OPRM1: variants seen among roughly 807,000 people sequenced by gnomAD.
OPRM1 encodes mu-type opioid receptor.
Under a neutral mutation model 31.8 loss-of-function variants are expected in OPRM1, and 27 were observed. The observed-to-expected ratio is 0.85, with a 90% confidence interval of 0.63 to 1.17. The LOEUF (loss-of-function observed/expected upper bound fraction) is 1.17. Ranked by LOEUF, OPRM1 falls within the 50% of genes most tolerant of loss-of-function variation. The pLI is 0.00. For missense variants in OPRM1, 536 were observed against 511.1 expected (o/e 1.05, Z -0.47); for synonymous variants, 196 against 189.9 (o/e 1.03, Z -0.26).
rs996911351 is a variant in OPRM1 at position 154,125,335 on chromosome 6, A to G, written c.*6614A>G. Among the ~76,000 whole-genome samples the G allele has an allele frequency of 6.6e-6, 1 of 152,234 alleles. No homozygotes were observed. The highest frequency in any genetic ancestry group is 1.5e-5 in the Non-Finnish European group (1 of 68,036). On this transcript the variant is annotated 3_prime_UTR_variant, in exon 4 of 4. Transcript: ENST00000330432. ...TCCAAAGCTATTTCATGAATCAAAT[A>G]TCGTTTTCTACCTGCCCCACAACTG...
chr6:154,239,433 G>T (rs1780399149), intron 3 of OPRM1, among the ~76,000 whole-genome samples: 1 of 152,100 alleles, frequency 6.6e-6, no homozygotes, highest in African/African-American at 2.4e-5. Flanking sequence ...AAATTAGAAT[G>T]TCAGAAGTAA....
intron 3 of OPRM1, among the ~76,000 whole-genome samples, chr6:154,117,273 T>C (rs1165116985): frequency 6.6e-6 from 1 of 152,226 alleles, no homozygotes; most frequent in African/African-American, 2.4e-5. Context: ...CCCTGCACTT[T>C]GTGCCACTTT....
intron 3 of OPRM1, among the ~76,000 whole-genome samples, chr6:154,099,274 G>C (rs1258633135): frequency 2.3e-5 from 3 of 130,738 alleles, no homozygotes; most frequent in East Asian, 4.7e-4. Context: ...AACTGAATGA[G>C]AGTCTGTCGA....
chr6:154,188,176 A>G (rs952739652), intron 3 of OPRM1, among the ~76,000 whole-genome samples: 1 of 152,256 alleles, frequency 6.6e-6, no homozygotes. Flanking sequence ...TTAAAAATGC[A>G]TTTTAAAAAC....
intron 3 of OPRM1, among the ~76,000 whole-genome samples, chr6:154,105,357 A>G (rs1034691313): frequency 1.3e-5 from 2 of 152,212 alleles, no homozygotes; most frequent in East Asian, 3.8e-4. Context: ...AAAGTTTAAA[A>G]GATTAGTTTT....
chr6:154,031,291 A>C (rs1341645201), intron 1 of OPRM1, among the ~76,000 whole-genome samples: 1 of 152,180 alleles, frequency 6.6e-6, no homozygotes, highest in African/African-American at 2.4e-5. Flanking sequence ...GTTCTGAGCT[A>C]CTCTGTTGCA....
intron 1 of OPRM1, among the ~76,000 whole-genome samples, chr6:154,078,104 T>C (rs1788280457): frequency 6.6e-6 from 1 of 152,172 alleles, no homozygotes; most frequent in African/African-American, 2.4e-5. Context: ...CATTCCTTAG[T>C]TCCTCTACCT....
chr6:154,130,552 C>A lies in OPRM1; in HGVS notation c.*11831C>A, dbSNP rs570214554. Reference sequence around the variant, plus strand: ...TTTAATACTCCTACCATAAAAATTTCTGTGTTAGGCATAGCTATATGAATA... The same window carrying A: ...TTTAATACTCCTACCATAAAAATTTATGTGTTAGGCATAGCTATATGAATA... On this transcript the variant is annotated 3_prime_UTR_variant, in exon 4 of 4. Coordinates refer to ENST00000330432, the MANE Select transcript of OPRM1 (RefSeq NM_000914.5). Among the ~76,000 whole-genome samples, 4 of 152,110 alleles carry A rather than the reference C, an allele frequency of 2.6e-5. No homozygotes were observed. The highest frequency in any genetic ancestry group is 2.1e-4 in the South Asian group (1 of 4,808).
rs1208599960 is a variant in OPRM1 at position 154,129,810 on chromosome 6, T to C, written c.*11089T>C. Among the ~76,000 whole-genome samples the C allele has an allele frequency of 6.6e-6, 1 of 151,404 alleles. No individual in the cohort carries two copies. Among genetic ancestry groups the C allele is most frequent in the Non-Finnish European group, 1.5e-5 (1 of 67,902 alleles). On this transcript the variant is annotated 3_prime_UTR_variant, in exon 4 of 4. Coordinates refer to ENST00000330432, the MANE Select transcript of OPRM1 (RefSeq NM_000914.5). Reference sequence around the variant, plus strand: ...AGTTTCTCTTATCAGTCAGGCACTTTGCATTTTAAGCGTACTTTACCACCG... The same window carrying C: ...AGTTTCTCTTATCAGTCAGGCACTTCGCATTTTAAGCGTACTTTACCACCG...
intron 1 of OPRM1, among the ~76,000 whole-genome samples, chr6:154,013,887 C>T (rs989879914): frequency 1.3e-5 from 2 of 152,140 alleles, no homozygotes; most frequent in Admixed American, 6.5e-5. Context: ...AACTAGCACA[C>T]TGTCACTTCC....
At chr6:154,083,075 G>A (rs554534121) in intron 1 of OPRM1, among the ~76,000 whole-genome samples, 1 of 152,260 alleles carries the variant, frequency 6.6e-6, no homozygotes, top group African/African-American at 2.4e-5. Flanking sequence ...AATAATGCAG[G>A]AAATGGGCAC....
chr6:154,039,360 T>A lies in OPRM1; in HGVS notation c.-185T>A, dbSNP rs781097449. 34 of 1,545,164 alleles carry A rather than the reference T, an allele frequency of 2.2e-5. No individual in the cohort carries two copies. The highest frequency in any genetic ancestry group is 2.8e-5 in the Non-Finnish European group (32 of 1,143,096). ...GGAGGGGGCTATACGCAGAGGAGAA[T>A]GTCAGATGCTCAGCTCGGTCCCCTC... On this transcript the variant is annotated 5_prime_UTR_variant, in exon 1 of 4. It removes an upstream start codon present in the reference 5' UTR. Transcript: ENST00000330432.
At chr6:154,066,240 G>A (rs1785375555) in intron 1 of OPRM1, among the ~76,000 whole-genome samples, 1 of 152,040 alleles carries the variant, frequency 6.6e-6, no homozygotes, top group Non-Finnish European at 1.5e-5. Flanking sequence ...TTTTCTTGTA[G>A]TATCTTTGTC....
chr6:154,143,967 C>T (rs1583652908), intron 3 of OPRM1, among the ~76,000 whole-genome samples: 1 of 152,134 alleles, frequency 6.6e-6, no homozygotes. Flanking sequence ...CACAAATTAC[C>T]AATATCAGAA....
intron 2 of OPRM1, 88 bp from the exon 3 acceptor site, chr6:154,090,864 A>G (rs1227620815): frequency 5.7e-6 from 7 of 1,237,792 alleles, no homozygotes; most frequent in Non-Finnish European, 8.0e-6. Context: ...GTCAAGGCTA[A>G]AAATGAATGA....
intron 1 of OPRM1, among the ~76,000 whole-genome samples, chr6:154,013,638 A>G (rs1036381390): frequency 2.6e-5 from 4 of 152,170 alleles, no homozygotes; most frequent in Non-Finnish European, 4.4e-5. Flanking sequence ...TATTGCCACA[A>G]AATTGTCACA....
rs906616648 is a variant in OPRM1 at position 154,120,528 on chromosome 6, T to C, written c.*1807T>C. Among the ~76,000 whole-genome samples the C allele has an allele frequency of 2.0e-5, 3 of 152,164 alleles. No homozygotes were observed. The highest frequency in any genetic ancestry group is 2.0e-4 in the Admixed American group (3 of 15,276). On this transcript the variant is annotated 3_prime_UTR_variant, in exon 4 of 4. Transcript: ENST00000330432. Reference sequence around the variant, plus strand: ...ATTTTCTGACAAAAGTAACTAAAACTAGGACCTTAAAAAGATTTAGAATGT... The same window carrying C: ...ATTTTCTGACAAAAGTAACTAAAACCAGGACCTTAAAAAGATTTAGAATGT...
chr6:154,181,410 C>T (rs1410486409), intron 3 of OPRM1, among the ~76,000 whole-genome samples: 1 of 152,188 alleles, frequency 6.6e-6, no homozygotes, highest in Non-Finnish European at 1.5e-5. Flanking sequence ...AAAATTCTTT[C>T]ACCAAATTCA....
chr6:154,189,554 A>C (rs1801680921), intron 3 of OPRM1, among the ~76,000 whole-genome samples: 2 of 152,266 alleles, frequency 1.3e-5, no homozygotes, highest in Non-Finnish European at 2.9e-5. Context: ...ATATAGTTCA[A>C]GATAGCTAGA....
Sources: allele counts gnomAD v4.1 joint callset (sites outside exome capture counted in the v4.1 genomes callset), GRCh38; gene constraint gnomAD v4.1.1; transcripts MANE v1.5; gene names NCBI Gene and HGNC (gene_info 2026-07-23, HGNC 2026-07-21).